The following DLG2 variants were observed in gnomAD, a reference collection of about 807,000 sequenced individuals.
The protein encoded by DLG2 is disks large homolog 2.
Under a neutral mutation model 132.5 loss-of-function variants are expected in DLG2, and 45 were observed. That is an observed-to-expected ratio of 0.34 (90% confidence interval 0.27 to 0.44). DLG2 has a LOEUF of 0.44. Among genes scored for constraint, DLG2 ranks in the 20% least tolerant of loss-of-function variants. DLG2 has a pLI of 1.00. For missense variants in DLG2, 1,045 were observed against 1,196.9 expected (o/e 0.87, Z 1.87); for synonymous variants, 424 against 419.6 (o/e 1.01, Z -0.13).
At chr11:84,216,601 G>C (rs757494253) in intron 8 of DLG2, among the ~76,000 whole-genome samples, 1 of 152,126 alleles carries the variant, frequency 6.6e-6, no homozygotes, top group African/African-American at 2.4e-5. Flanking sequence ...GTCCAACCTA[G>C]AGATGAGGGA....
intron 7 of DLG2, among the ~76,000 whole-genome samples, chr11:84,332,220 T>TTC (rs1555509495): frequency 6.6e-6 from 1 of 151,178 alleles, no homozygotes; most frequent in African/African-American, 2.4e-5. Flanking sequence ...TTTTTTTTTT[T>TTC]TCTTTTTCTG....
chr11:84,588,104 C>G lies in DLG2; in HGVS notation c.358-53373G>C, dbSNP rs2099534088. 2.0e-5 allele frequency among the ~76,000 whole-genome samples: 3 copies of G among 152,140 alleles called. No homozygotes were observed. In the South Asian group the frequency reaches 6.2e-4, roughly 32 times the overall value. ...CTTCATTCCTGCCACACACACTGTT[C>G]TAGGCTCACCAAATTTATTGACATT... On this transcript the variant is annotated intron_variant, in intron 6 of 27. Coordinates refer to ENST00000376104, the MANE Select transcript of DLG2 (RefSeq NM_001142699.3).
Position 83,455,572 on chromosome 11 carries a change from C to T in DLG2, c.*4246G>A, listed in dbSNP as rs2088823930. On this transcript the variant is annotated 3_prime_UTR_variant, in exon 28 of 28. Transcript: ENST00000376104. ...TGTCTAAATTGTCCGCCTGTCTTAG[C>T]TTTGTCCTCAGCTGTTACAAGAAAC... 2 of 152,746 alleles carry T rather than the reference C, an allele frequency of 1.3e-5. No individual in the cohort carries two copies. Among genetic ancestry groups the T allele is most frequent in the Non-Finnish European group, 2.9e-5 (2 of 68,032 alleles). 9.5% of individuals were successfully genotyped at this position (152,746 alleles called of 1,614,324 possible).
chr11:84,859,771 T>G (rs1178775407), intron 6 of DLG2, among the ~76,000 whole-genome samples: 1 of 151,854 alleles, frequency 6.6e-6, no homozygotes, highest in Non-Finnish European at 1.5e-5. Context: ...CCATATAATT[T>G]AACATCCACT....
Position 84,538,440 on chromosome 11 carries a change from C to T in DLG2, c.358-3709G>A, listed in dbSNP as rs1042677945. On this transcript the variant is annotated intron_variant, in intron 6 of 27. Transcript: ENST00000376104. ...TGAAGCCTCCTCTCTTGGATGTCCACAGGAGTCATATTTGAACCCCAACTC... is the reference window on the plus strand; with the variant it reads ...TGAAGCCTCCTCTCTTGGATGTCCATAGGAGTCATATTTGAACCCCAACTC... 3.9e-5 allele frequency among the ~76,000 whole-genome samples: 6 copies of T among 152,206 alleles called. No homozygotes were observed. The East Asian group carries it at 1.2e-3, about 29-fold the overall frequency.
chr11:84,596,500 G>C (rs1279734912), intron 6 of DLG2, among the ~76,000 whole-genome samples: 3 of 151,586 alleles, frequency 2.0e-5, no homozygotes, highest in South Asian at 4.2e-4. Flanking sequence ...TGGGATTATA[G>C]GCTTGAGCTA....
chr11:83,912,171 T>TG (rs1590853073), intron 15 of DLG2, among the ~76,000 whole-genome samples: 1 of 151,202 alleles, frequency 6.6e-6, no homozygotes, highest in East Asian at 1.9e-4. Context: ...TATATAAAAT[T>TG]TTTGTCAAAT....
chr11:85,552,994 A>T (rs2076751283), intron 3 of DLG2, among the ~76,000 whole-genome samples: 1 of 151,822 alleles, frequency 6.6e-6, no homozygotes, highest in Admixed American at 6.6e-5. Flanking sequence ...AAAGACAAAA[A>T]TAAAATACTA....
intron 6 of DLG2, among the ~76,000 whole-genome samples, chr11:84,971,503 G>T (rs1356565309): frequency 6.6e-6 from 1 of 152,174 alleles, no homozygotes; most frequent in African/African-American, 2.4e-5. Context: ...GAAGCTTATG[G>T]AAGATAGGAG....
chr11:84,340,353 G>A (rs2098508839), intron 7 of DLG2, among the ~76,000 whole-genome samples: 1 of 152,010 alleles, frequency 6.6e-6, no homozygotes, highest in African/African-American at 2.4e-5. Flanking sequence ...ATCTCCTCTA[G>A]GGAAATAAGT....
intron 7 of DLG2, among the ~76,000 whole-genome samples, chr11:84,367,814 T>C (rs1452438429): frequency 6.6e-6 from 1 of 152,084 alleles, no homozygotes; most frequent in Non-Finnish European, 1.5e-5. Context: ...AACGAATAAA[T>C]TTATTTTCTT....
intron 6 of DLG2, among the ~76,000 whole-genome samples, chr11:84,803,910 T>C (rs1054521627): frequency 6.6e-6 from 1 of 152,166 alleles, no homozygotes; most frequent in African/African-American, 2.4e-5. Flanking sequence ...TAGTATTTCC[T>C]AGAACAGAGC....
rs376171376 is a variant in DLG2 at position 84,090,311 on chromosome 11, G to A, written c.749+8612C>T. Among the ~76,000 whole-genome samples the A allele has an allele frequency of 1.1e-4, 16 of 151,088 alleles. 1 individual carries two copies. Among genetic ancestry groups the A allele is most frequent in the African/African-American group, 3.9e-4 (16 of 41,110 alleles). On this transcript the variant is annotated intron_variant, in intron 10 of 27. Coordinates refer to ENST00000376104, the MANE Select transcript of DLG2 (RefSeq NM_001142699.3). The stretch of plus-strand genomic sequence containing the variant: ...CGCCTGTAATCCCAGCTACTCACGA[G>A]GCTGAGGCAGGAGAATCGCTTGAAC...
intron 3 of DLG2, among the ~76,000 whole-genome samples, chr11:85,362,669 T>G (rs963625508): frequency 3.9e-5 from 6 of 152,082 alleles, no homozygotes; most frequent in Admixed American, 1.3e-4. Flanking sequence ...TTACAAAACA[T>G]GCCATTTTGT....
chr11:83,738,542 T>C (rs2092209461), intron 18 of DLG2, among the ~76,000 whole-genome samples: 1 of 152,164 alleles, frequency 6.6e-6, no homozygotes, highest in South Asian at 2.1e-4. Flanking sequence ...TTAGTTCCAA[T>C]TTCCTCTGCC....
chr11:83,769,429 A>G (rs2094286928), intron 18 of DLG2, among the ~76,000 whole-genome samples: 1 of 152,068 alleles, frequency 6.6e-6, no homozygotes. Flanking sequence ...GCTTGTTTAC[A>G]TGAAGTACAA....
At chr11:84,905,858 A>G (rs1043460537) in intron 6 of DLG2, among the ~76,000 whole-genome samples, 5 of 152,184 alleles carry the variant, frequency 3.3e-5, no homozygotes, top group Non-Finnish European at 7.4e-5. Flanking sequence ...AGACTTCCCC[A>G]AAGTCTGGAT....
At chr11:84,332,537 G>A (rs1359691137) in intron 7 of DLG2, among the ~76,000 whole-genome samples, 1 of 120,874 alleles carries the variant, frequency 8.3e-6, no homozygotes, top group Non-Finnish European at 1.7e-5. Flanking sequence ...TTTTGAGACA[G>A]TCTCGCTCTG....
intron 18 of DLG2, among the ~76,000 whole-genome samples, chr11:83,690,060 T>C (rs781757577): frequency 8.8e-5 from 13 of 147,124 alleles, no homozygotes; most frequent in Non-Finnish European, 1.8e-4. Flanking sequence ...TTTATATACA[T>C]AAAATATTAT....
Sources: gnomAD v4.1 joint callset for allele counts (sites outside exome capture counted in the v4.1 genomes callset) on GRCh38, gnomAD v4.1.1 for gene constraint, MANE v1.5 for transcripts, NCBI Gene and HGNC (gene_info 2026-07-23, HGNC 2026-07-21) for gene names.